The following CPSF2 variants were observed in gnomAD, a reference collection of about 807,000 sequenced individuals.
The protein encoded by CPSF2 is cleavage and polyadenylation specificity factor subunit 2.
CPSF2 carries 51 observed loss-of-function variants against 84.2 expected under a neutral mutation model. The ratio of observed to expected loss-of-function variants is 0.61; its 90% CI spans 0.48 to 0.77. The LOEUF is 0.77. Ranked by LOEUF, CPSF2 falls within the 30% of genes least tolerant of loss-of-function variation. The pLI, the probability that CPSF2 is intolerant of heterozygous loss-of-function variation, is 0.00. For synonymous variants in CPSF2, 286 were observed against 311.9 expected, an observed-to-expected ratio of 0.92 and a Z score of 0.87; for missense variants, 641 against 929.4, an observed-to-expected ratio of 0.69 and a Z score of 4.03.
chr14:92,139,948 C>CTTTTTTT (rs1331887317), intron 7 of CPSF2, among the ~76,000 whole-genome samples: 2 of 115,846 alleles, frequency 1.7e-5, no homozygotes, highest in Admixed American at 8.9e-5. Context: ...AAAAGTACAA[C>CTTTTTTT]TATTTTTTTT....
In CPSF2 at chr14:92,134,327, A is replaced by G. The variant is rs767322661; in HGVS notation, c.387A>G (p.Leu129=). 3 of 1,612,368 alleles carry G rather than the reference A, an allele frequency of 1.9e-6. No homozygotes were observed. The highest frequency in any genetic ancestry group is 1.3e-5 in the African/African-American group (1 of 75,040). Reference sequence around the variant, plus strand: ...CAGCCTTTGATAAAATACAGCAGCTAAAATTCTCTCAGATTGTGAATTTGA... The same window carrying G: ...CAGCCTTTGATAAAATACAGCAGCTGAAATTCTCTCAGATTGTGAATTTGA... ...VDAAFDKIQQ[L]KFSQIVNLKG... The change falls in exon 5 of 16, where the codon CTA becomes CTG. Residue 129 remains leucine (L), a synonymous_variant. Transcript: ENST00000298875.
intron 3 of CPSF2, 98 bp from the exon 4 acceptor site, chr14:92,133,913 G>A (rs1454127997): frequency 3.2e-6 from 4 of 1,240,616 alleles, no homozygotes; most frequent in East Asian, 4.7e-5. Flanking sequence ...TTCTGCCCCA[G>A]TGTAGTCTTC....
intron 3 of CPSF2, 33 bp downstream of exon 3, chr14:92,131,166 TA>T: frequency 6.6e-7 from 1 of 1,525,860 alleles, no homozygotes; most frequent in South Asian, 1.2e-5. Context: ...ATGTTTTTAT[TA>T]AATCAACTTC....
At chr14:92,141,405 C>G (rs1177822233) in intron 7 of CPSF2, among the ~76,000 whole-genome samples, 1 of 152,102 alleles carries the variant, frequency 6.6e-6, no homozygotes, top group African/African-American at 2.4e-5. Flanking sequence ...AATCACGACT[C>G]TCTGCAGCCT....
rs917315814 is a variant in CPSF2, at chr14:92,167,423, T to G, written c.*5679T>G. The G allele has an allele frequency of 6.6e-6, 1 of 152,172 alleles. No individual in the cohort carries two copies. Among genetic ancestry groups the G allele is most frequent in the African/African-American group, 2.4e-5 (1 of 41,452 alleles). 9.4% of individuals were successfully genotyped at this position (152,172 alleles called of 1,614,324 possible). A position where few individuals can be genotyped will look rare whatever the true frequency, so the allele number is the denominator to read the frequency against. ...TTTTAATGTTAGTGCTGAAAGGGAC[T>G]AGAGAGCTCATCTAATTCAACCCAC... On this transcript the variant is annotated 3_prime_UTR_variant, in exon 16 of 16. Transcript: ENST00000298875.
rs1297046882 is a variant in CPSF2 at position 92,164,580 on chromosome 14, CG to C, written c.*2837del. ...TATTTAGAAGCAAGTATAGGTATAA[CG>C]TGGACTATCAACTGATATCTGCAAA... On this transcript the variant is annotated 3_prime_UTR_variant, in exon 16 of 16. Coordinates refer to ENST00000298875, the MANE Select transcript of CPSF2 (RefSeq NM_017437.3). The C allele has an allele frequency of 6.6e-6, 1 of 152,166 alleles. No individual in the cohort carries two copies. Among genetic ancestry groups the C allele is most frequent in the Non-Finnish European group, 1.5e-5 (1 of 68,044 alleles). 9.4% of individuals were successfully genotyped at this position (152,166 alleles called of 1,614,324 possible). A position where few individuals can be genotyped will look rare whatever the true frequency, so the allele number is the denominator to read the frequency against.
chr14:92,141,203 A>G (rs1250668299), intron 7 of CPSF2, among the ~76,000 whole-genome samples: 1 of 152,192 alleles, frequency 6.6e-6, no homozygotes. Flanking sequence ...AGATAATGCA[A>G]TAGTTTAAAA....
At chr14:92,127,804 C>A (rs1050813973) in intron 2 of CPSF2, among the ~76,000 whole-genome samples, 2 of 152,140 alleles carry the variant, frequency 1.3e-5, no homozygotes, top group African/African-American at 4.8e-5. Context: ...CTATTCTATA[C>A]AACAGGAGAC....
intron 2 of CPSF2, among the ~76,000 whole-genome samples, chr14:92,130,189 C>T (rs546052491): frequency 6.6e-6 from 1 of 152,230 alleles, no homozygotes; most frequent in African/African-American, 2.4e-5. Flanking sequence ...TTCAGTTGCT[C>T]ACATTCCAAT....
intron 10 of CPSF2, 40 bp downstream of exon 10, chr14:92,154,498 A>G: frequency 2.2e-6 from 3 of 1,356,398 alleles, no homozygotes; most frequent in South Asian, 1.3e-5. Context: ...TATGGATGCA[A>G]TTTGAGAAGA....
intron 1 of CPSF2, 130 bp downstream of exon 1, chr14:92,122,258 A>G: frequency 7.2e-6 from 2 of 277,170 alleles, no homozygotes; most frequent in South Asian, 3.4e-5. Flanking sequence ...TTCGGCTGCG[A>G]CTGTCCCGGT....
At chr14:92,154,230 T>C in intron 9 of CPSF2, 128 bp from the exon 10 acceptor site, 1 of 608,726 alleles carries the variant, frequency 1.6e-6, no homozygotes, top group Non-Finnish European at 2.8e-6. Flanking sequence ...ACTTGATTAA[T>C]TTCAGAGGAA....
chr14:92,154,764 A>C (rs939061477), intron 10 of CPSF2, among the ~76,000 whole-genome samples: 21 of 152,210 alleles, frequency 1.4e-4, no homozygotes, highest in Non-Finnish European at 2.4e-4. Context: ...AAACATTAGG[A>C]TATATGTTTA....
chr14:92,142,297 A>G lies in CPSF2; in HGVS notation c.795A>G (p.Ser265=). 6.2e-7 allele frequency: 1 copy of G among 1,613,942 alleles called. No homozygotes were observed. The highest frequency in any genetic ancestry group is 8.5e-7 in the Non-Finnish European group (1 of 1,179,868). The change falls in exon 8 of 16, where the codon TCA becomes TCG. Residue 265 remains serine, a synonymous_variant. Transcript: ENST00000298875. ...AAGATGCAGGATTGGGTGTTTACTCATTGGCACTCCTAAATAATGTCAGTT... is the reference window on the plus strand; with the variant it reads ...AAGATGCAGGATTGGGTGTTTACTCGTTGGCACTCCTAAATAATGTCAGTT... ...RTKDAGLGVY[S]LALLNNVSYN...
intron 7 of CPSF2, among the ~76,000 whole-genome samples, chr14:92,140,197 C>T (rs2069057808): frequency 6.6e-6 from 1 of 151,792 alleles, no homozygotes; most frequent in Admixed American, 6.6e-5. Context: ...TGTGATCCGC[C>T]CACCTCGGCC....
At chr14:92,140,732 G>T (rs533818435) in intron 7 of CPSF2, among the ~76,000 whole-genome samples, 1 of 151,752 alleles carries the variant, frequency 6.6e-6, no homozygotes, top group Non-Finnish European at 1.5e-5. Flanking sequence ...ATGCCTGGCC[G>T]CAATCCCCAT....
At chr14:92,128,845 G>A (rs889955434) in intron 2 of CPSF2, among the ~76,000 whole-genome samples, 1 of 152,196 alleles carries the variant, frequency 6.6e-6, no homozygotes, top group Non-Finnish European at 1.5e-5. Flanking sequence ...GGTCTAGGGT[G>A]TAATCGTAGT....
chr14:92,162,889 T>G lies in CPSF2; in HGVS notation c.*1145T>G, dbSNP rs2069393537. 1 of 152,180 alleles carries G rather than the reference T, an allele frequency of 6.6e-6. No individual in the cohort carries two copies. The highest frequency in any genetic ancestry group is 1.5e-5 in the Non-Finnish European group (1 of 68,030). The allele number at this position is 152,180 out of a possible 1,614,324, so 9.4% of individuals were successfully genotyped here. ...AGAATGGCAGACCTTGATGTTTATT[T>G]CTCAAATGGTTAAGCCCTCTTCTTT... On this transcript the variant is annotated 3_prime_UTR_variant, in exon 16 of 16. Coordinates refer to ENST00000298875, the MANE Select transcript of CPSF2 (RefSeq NM_017437.3).
chr14:92,143,372 A>G (rs569639316), intron 9 of CPSF2, 78 bp downstream of exon 9: 1 of 970,922 alleles, frequency 1.0e-6, no homozygotes, highest in South Asian at 1.7e-5. Flanking sequence ...ATAGTGACCA[A>G]AAATAAAACT....
Sources: gnomAD v4.1 joint callset for allele counts (sites outside exome capture counted in the v4.1 genomes callset) on GRCh38, gnomAD v4.1.1 for gene constraint, MANE v1.5 for transcripts, NCBI Gene and HGNC (gene_info 2026-07-23, HGNC 2026-07-21) for gene names.